The following CENPC variants were observed in gnomAD, a reference collection of about 807,000 sequenced individuals.
CENPC encodes centromere protein C.
In CENPC, 63 loss-of-function variants were observed where a neutral mutation model predicts 112.1. That is an observed-to-expected ratio of 0.56 (90% CI 0.46 to 0.69). CENPC has a LOEUF of 0.69. Ranked by LOEUF, CENPC falls within the 30% of genes least tolerant of loss-of-function variation. CENPC has a pLI of 0.00. For missense variants in CENPC, 1,000 were observed against 1,103.8 expected, an observed-to-expected ratio of 0.91 and a Z score of 1.33; for synonymous variants, 333 against 367.6, an observed-to-expected ratio of 0.91 and a Z score of 1.08.
Position 67,484,052 on chromosome 4 carries a change from C to G in CENPC, c.2670+5915G>C, listed in dbSNP as rs115229557. Among the ~76,000 whole-genome samples the G allele has an allele frequency of 6.7e-3, 1,013 of 152,320 alleles. 10 individuals are homozygous for G. The highest frequency in any genetic ancestry group is 0.023 in the African/African-American group (952 of 41,568). On this transcript the variant is annotated intron_variant, in intron 17 of 18. Coordinates refer to ENST00000273853, the MANE Select transcript of CENPC (RefSeq NM_001812.4). Reference sequence around the variant, plus strand: ...GTCCTAGGTCTTCACATTTACTCAGCACTTACTCACTGACTCATCCAGGAC... The same window carrying G: ...GTCCTAGGTCTTCACATTTACTCAGGACTTACTCACTGACTCATCCAGGAC...
chr4:67,527,602 G>C (rs1172924248), intron 5 of CENPC, among the ~76,000 whole-genome samples: 2 of 145,832 alleles, frequency 1.4e-5, no homozygotes, highest in African/African-American at 5.1e-5. Flanking sequence ...TTGGGCTCAA[G>C]TGACTCTCCC....
At chr4:67,525,653 T>C (rs1355769581) in intron 5 of CENPC, among the ~76,000 whole-genome samples, 3 of 152,082 alleles carry the variant, frequency 2.0e-5, no homozygotes, top group Non-Finnish European at 1.5e-5. Flanking sequence ...ATAGTGATCA[T>C]TAAAAAGACA....
chr4:67,509,128 A>G, intron 9 of CENPC, 23 bp from the exon 10 acceptor site: 5 of 1,570,034 alleles, frequency 3.2e-6, no homozygotes, highest in Middle Eastern at 1.7e-4. Context: ...ATGATAACCT[A>G]AAGTTAGTAA....
intron 7 of CENPC, among the ~76,000 whole-genome samples, chr4:67,515,813 A>G (rs1433043908): frequency 6.6e-6 from 1 of 151,982 alleles, no homozygotes; most frequent in Admixed American, 6.5e-5. Flanking sequence ...ATCTAGTGCC[A>G]CAGAAACAGG....
chr4:67,520,625 G>A (rs917609526), intron 5 of CENPC, among the ~76,000 whole-genome samples: 2 of 152,158 alleles, frequency 1.3e-5, no homozygotes, highest in African/African-American at 2.4e-5. Flanking sequence ...CAGGAACTGA[G>A]CTAGAATCCT....
At chr4:67,516,986 A>G (rs964692769) in intron 7 of CENPC, among the ~76,000 whole-genome samples, 1 of 152,048 alleles carries the variant, frequency 6.6e-6, no homozygotes, top group Non-Finnish European at 1.5e-5. Flanking sequence ...ACATTAAAAA[A>G]TAATTTCTCA....
intron 7 of CENPC, 114 bp from the exon 8 acceptor site, chr4:67,514,801 C>T (rs1413261368): frequency 5.8e-6 from 6 of 1,043,068 alleles, no homozygotes; most frequent in Non-Finnish European, 8.1e-6. Context: ...GTTTATATAT[C>T]TCCTCAATTT....
At chr4:67,474,169 A>G (rs1328775212) in intron 18 of CENPC, among the ~76,000 whole-genome samples, 2 of 151,790 alleles carry the variant, frequency 1.3e-5, no homozygotes, top group African/African-American at 4.8e-5. Context: ...GGTTCATGCC[A>G]TTCTCCTGCC....
At chr4:67,539,816 T>C (rs779116607) in intron 4 of CENPC, 24 bp downstream of exon 4, 62 of 1,269,942 alleles carry the variant, frequency 4.9e-5, no homozygotes, top group South Asian at 2.5e-4. Context: ...ATTAAACCTA[T>C]ACCAGCTCTT....
rs150863477 is a variant in CENPC, at chr4:67,537,608, C to A, written c.231+2232G>T. ...AGGAGTTTAAGACCAGCCTGGCCAA[C>A]ATGGTTAAACCCCATCTCTACTAAA... On this transcript the variant is annotated intron_variant, in intron 4 of 18. Transcript: ENST00000273853. Among the ~76,000 whole-genome samples the A allele has an allele frequency of 4.7e-3, 713 of 152,208 alleles. 8 individuals are homozygous for A. Among genetic ancestry groups the A allele is most frequent in the African/African-American group, 0.016 (644 of 41,530 alleles).
At chr4:67,494,950 G>C (rs568758372) in intron 13 of CENPC, among the ~76,000 whole-genome samples, 4 of 152,262 alleles carry the variant, frequency 2.6e-5, no homozygotes, top group Admixed American at 2.6e-4. Context: ...GAGGGCAATA[G>C]GATTTATAAA....
At chr4:67,529,482 C>T (rs1441729696) in intron 5 of CENPC, among the ~76,000 whole-genome samples, 1 of 151,964 alleles carries the variant, frequency 6.6e-6, no homozygotes, top group Admixed American at 6.6e-5. Context: ...CTTGCCACCA[C>T]GCCTGGCAAA....
chr4:67,493,703 TA>T, intron 14 of CENPC, 180 bp downstream of exon 14: 1 of 504,576 alleles, frequency 2.0e-6, no homozygotes, highest in Non-Finnish European at 3.5e-6. Context: ...AACATTCAGC[TA>T]CCAAAGAGAA....
In CENPC at chr4:67,514,147, A is replaced by T. The variant is rs201443057; in HGVS notation, c.1371T>A (p.Asn457Lys). 6.2e-7 allele frequency: 1 copy of T among 1,610,914 alleles called. No homozygotes were observed. Among genetic ancestry groups the T allele is most frequent in the African/African-American group, 1.3e-5 (1 of 75,000 alleles). The change falls in exon 8 of 19, where the codon AAT becomes AAA. Residue 457 changes from asparagine to lysine, a missense_variant. Asn to Lys is a moderately conservative substitution (Grantham distance 94). Transcript: ENST00000273853. ...SHITQDEFQR[N>K]SDRNMEEHEE... Reference sequence around the variant, plus strand: ...CATGCTCTTCCATATTTCTGTCTGAATTTCTTTGAAATTCGTCTTGGGTAA... The same window carrying T: ...CATGCTCTTCCATATTTCTGTCTGATTTTCTTTGAAATTCGTCTTGGGTAA...
At chr4:67,508,505 C>A (rs1294055442) in intron 10 of CENPC, among the ~76,000 whole-genome samples, 1 of 94,680 alleles carries the variant, frequency 1.1e-5, no homozygotes, top group African/African-American at 4.2e-5. Context: ...GAGGAAGACT[C>A]TGTCTCTTAA....
rs117812066 is a variant in CENPC at position 67,512,256 on chromosome 4, T to C, written c.1612+146A>G. 2.4e-3 allele frequency: 1,446 copies of C among 609,650 alleles called. 27 individuals are homozygous for C. The East Asian group carries it at 0.042, about 18-fold the overall frequency. 37.8% of individuals were successfully genotyped at this position (609,650 alleles called of 1,614,324 possible). A position where few individuals can be genotyped will look rare whatever the true frequency, so the allele number is the denominator to read the frequency against. Reference sequence around the variant, plus strand: ...TATATTAACGCTTCAAGGAATATCTTTACCATTGATTTAATATTCCTTTTG... The same window carrying C: ...TATATTAACGCTTCAAGGAATATCTCTACCATTGATTTAATATTCCTTTTG... On this transcript the variant is annotated intron_variant, in intron 9 of 18. Coordinates refer to ENST00000273853, the MANE Select transcript of CENPC (RefSeq NM_001812.4).
At chr4:67,513,711 G>A (rs1333695684) in intron 8 of CENPC, among the ~76,000 whole-genome samples, 16 of 152,138 alleles carry the variant, frequency 1.1e-4, no homozygotes, top group Admixed American at 1.0e-3. Flanking sequence ...TGATGGAAGA[G>A]AATGGACTTT....
intron 4 of CENPC, among the ~76,000 whole-genome samples, chr4:67,538,072 G>A (rs1239125824): frequency 6.6e-6 from 1 of 152,046 alleles, no homozygotes; most frequent in Non-Finnish European, 1.5e-5. Flanking sequence ...ATTTGAGAAA[G>A]AAACAATAGT....
chr4:67,505,313 A>G, intron 11 of CENPC, 29 bp from the exon 12 acceptor site: 1 of 1,314,052 alleles, frequency 7.6e-7, no homozygotes, highest in Non-Finnish European at 1.1e-6. Flanking sequence ...CCACAAAATT[A>G]ATGCTTTTAT....
Sources: allele counts gnomAD v4.1 joint callset (sites outside exome capture counted in the v4.1 genomes callset), GRCh38; gene constraint gnomAD v4.1.1; transcripts MANE v1.5; gene names NCBI Gene and HGNC (gene_info 2026-07-23, HGNC 2026-07-21).